Variants in PROX2 observed in about 807,000 individuals in gnomAD.
The protein encoded by PROX2 is prospero homeobox protein 2.
PROX2 carries 46 observed loss-of-function variants against 48.9 expected under a neutral mutation model. That is an observed-to-expected ratio of 0.94 (90% CI 0.74 to 1.20). PROX2 has a LOEUF of 1.20. PROX2 is among the 50% of genes most tolerant of loss of function. PROX2 has a pLI of 0.00. For synonymous variants in PROX2, 260 were observed against 276.6 expected (o/e 0.94, Z 0.60); for missense variants, 663 against 719.4 (o/e 0.92, Z 0.90).
chr14:74,856,763 C>T lies in PROX2; in HGVS notation c.1608+38G>A, dbSNP rs189981379. The T allele has an allele frequency of 1.7e-5, 26 of 1,540,674 alleles. No homozygotes were observed. In the East Asian group the frequency reaches 5.4e-4, roughly 32 times the overall value. ...AAACTCGAATCATATAGGGAAGACA[C>T]TCATCAGATCTCATGGGAACCCAGT... On this transcript the variant is annotated intron_variant, in intron 5 of 5. Transcript: ENST00000556489.
At chr14:74,857,123 A>G in intron 4 of PROX2, 128 bp from the exon 5 acceptor site, 1 of 712,584 alleles carries the variant, frequency 1.4e-6, no homozygotes, top group Non-Finnish European at 2.3e-6. Flanking sequence ...GGCTTCCTTT[A>G]AAAAAAGAAG....
intron 3 of PROX2, among the ~76,000 whole-genome samples, chr14:74,861,794 A>T (rs539872288): frequency 6.6e-6 from 1 of 152,050 alleles, no homozygotes; most frequent in African/African-American, 2.4e-5. Flanking sequence ...CTTGTTCCTC[A>T]TCTGCTCCCC....
At chr14:74,855,375 A>G in intron 5 of PROX2, 73 bp from the exon 6 acceptor site, 1 of 1,273,540 alleles carries the variant, frequency 7.9e-7, no homozygotes, top group Non-Finnish European at 1.1e-6. Context: ...AGCCCTCACT[A>G]GCGGGTGCTG....
Position 74,863,118 on chromosome 14 carries a change from G to A in PROX2, c.717C>T (p.Asp239=), listed in dbSNP as rs768132700. 25 of 1,613,894 alleles carry A rather than the reference G, an allele frequency of 1.5e-5. No individual in the cohort carries two copies. The highest frequency in any genetic ancestry group is 2.1e-5 in the Non-Finnish European group (25 of 1,179,892). The part of the protein sequence containing the change: ...ELTRAVSQAV[D]SVLQKVLLDP... ...CCAATAGTACCTTTTGTAATACCGA[G>A]TCCACAGCCTGGGACACTGCCCTGG... Residue 239 remains aspartate, a synonymous_variant, in exon 3 of 6, where the codon GAC becomes GAT. Coordinates refer to ENST00000556489, the MANE Select transcript of PROX2 (RefSeq NM_001243007.2).
At chr14:74,865,532 C>G (rs1028047142) in intron 2 of PROX2, among the ~76,000 whole-genome samples, 1 of 152,294 alleles carries the variant, frequency 6.6e-6, no homozygotes, top group African/African-American at 2.4e-5. Context: ...ACGTCACTTG[C>G]TTTCTAACTA....
intron 1 of PROX2, among the ~76,000 whole-genome samples, chr14:74,874,767 A>G (rs968371213): frequency 6.6e-6 from 1 of 152,234 alleles, no homozygotes; most frequent in African/African-American, 2.4e-5. Context: ...AAAAATAAGT[A>G]TACAAAAGAC....
At chr14:74,861,283 G>GT (rs1408726384) in intron 3 of PROX2, 1 of 1,251,406 alleles carries the variant, frequency 8.0e-7, no homozygotes, top group African/African-American at 1.5e-5. Context: ...AAGCAGCAGC[G>GT]TGAGCACAGC....
At chr14:74,871,469 C>G (rs142087918) in intron 1 of PROX2, among the ~76,000 whole-genome samples, 43 of 152,070 alleles carry the variant, frequency 2.8e-4, no homozygotes, top group African/African-American at 9.6e-4. Context: ...GTTTGAATTT[C>G]AAGTATATAA....
chr14:74,858,427 C>T lies in PROX2; in HGVS notation c.1393G>A (p.Val465Ile). 1 of 1,576,588 alleles carries T rather than the reference C, an allele frequency of 6.3e-7. No individual in the cohort carries two copies. The highest frequency in any genetic ancestry group is 8.6e-7 in the Non-Finnish European group (1 of 1,159,168). ...TRYPSSNLLKVYFPDVQFNRC... is the reference protein window; with the variant it reads ...TRYPSSNLLKIYFPDVQFNRC... ...TTTACCTGAACATCAGGAAAATAAA[C>T]CTTCAGGAGGTTGGAGCTGGGATAT... The change falls in exon 4 of 6, where the codon GTT (valine) becomes ATT (isoleucine). Residue 465 changes from valine (V) to isoleucine (I), a missense_variant. Coordinates refer to ENST00000556489, the MANE Select transcript of PROX2 (RefSeq NM_001243007.2).
At chr14:74,861,681 C>T (rs1490705968) in intron 3 of PROX2, among the ~76,000 whole-genome samples, 1 of 152,178 alleles carries the variant, frequency 6.6e-6, no homozygotes, top group African/African-American at 2.4e-5. Context: ...CTCCATTGCA[C>T]CTTGGAAGTT....
At position 74,868,627 on chromosome 14, in the gene PROX2, G is replaced by A. The variant is rs559954011; in HGVS notation, c.-175+2476C>T. Among the ~76,000 whole-genome samples the A allele has an allele frequency of 1.2e-3, 180 of 151,762 alleles. 1 individual carries two copies. Among genetic ancestry groups the A allele is most frequent in the African/African-American group, 4.3e-3 (176 of 41,392 alleles). ...AGGCAGGCGGATCACGAGGTCAGGA[G>A]ATCGAGACCATCCTGGCTAACACAG... On this transcript the variant is annotated intron_variant, in intron 2 of 5. Coordinates refer to ENST00000556489, the MANE Select transcript of PROX2 (RefSeq NM_001243007.2).
In PROX2 at chr14:74,855,239, C is replaced by A. The variant is rs368768225; in HGVS notation, c.1672G>T (p.Ala558Ser). 3 of 1,591,396 alleles carry A rather than the reference C, an allele frequency of 1.9e-6. No individual in the cohort carries two copies. Among genetic ancestry groups the A allele is most frequent in the Non-Finnish European group, 2.6e-6 (3 of 1,165,152 alleles). ...TLQEFFRAVSAGRDSDPSWKK... is the reference protein window; with the variant it reads ...TLQEFFRAVSSGRDSDPSWKK... ...CAGGAAGGATCTGAGTCTCTCCCTGCGGAGACAGCCCTGAAGAACTCCTGT... is the reference window on the plus strand; with the variant it reads ...CAGGAAGGATCTGAGTCTCTCCCTGAGGAGACAGCCCTGAAGAACTCCTGT... Residue 558 changes from alanine (A) to serine (S), a missense_variant, in exon 6 of 6, where the codon GCA becomes TCA. Transcript: ENST00000556489.
At chr14:74,856,551 G>T in intron 5 of PROX2, 1 of 519,836 alleles carries the variant, frequency 1.9e-6, no homozygotes, top group East Asian at 3.1e-5. Context: ...GTCTAAGATG[G>T]TGTAACACCT....
At chr14:74,857,175 GA>G in intron 4 of PROX2, 180 bp from the exon 5 acceptor site, 3 of 535,890 alleles carry the variant, frequency 5.6e-6, no homozygotes, top group Non-Finnish European at 9.9e-6. Flanking sequence ...GTTATACTCA[GA>G]AAAATCTAAA....
intron 1 of PROX2, chr14:74,874,251 G>GTTTTT: frequency 8.9e-5 from 25 of 279,602 alleles, no homozygotes; most frequent in South Asian, 3.4e-4. Context: ...CATCATACAA[G>GTTTTT]TTTTTTTTTT....
In PROX2 at chr14:74,874,039, A is replaced by G. The variant is rs1279582425; in HGVS notation, c.-310+1856T>C. The G allele has an allele frequency of 9.6e-6, 5 of 522,878 alleles. No individual in the cohort carries two copies. The African/African-American group carries it at 9.7e-5, about 10-fold the overall frequency. The allele number at this position is 522,878 out of a possible 1,614,324, so 32.4% of individuals were successfully genotyped here. On this transcript the variant is annotated intron_variant, in intron 1 of 5. Coordinates refer to ENST00000556489, the MANE Select transcript of PROX2 (RefSeq NM_001243007.2). ...CTGTTATCTAACAGGATGTCAAGTCATTTGATACAGTAATTATGAATCCGC... is the reference window on the plus strand; with the variant it reads ...CTGTTATCTAACAGGATGTCAAGTCGTTTGATACAGTAATTATGAATCCGC...
At chr14:74,867,678 A>G (rs926806643) in intron 2 of PROX2, among the ~76,000 whole-genome samples, 2 of 152,244 alleles carry the variant, frequency 1.3e-5, no homozygotes, top group African/African-American at 4.8e-5. Flanking sequence ...AGACAGAAAG[A>G]CAGACGGGTA....
chr14:74,867,935 C>T (rs1172887810), intron 2 of PROX2, among the ~76,000 whole-genome samples: 3 of 152,168 alleles, frequency 2.0e-5, no homozygotes, highest in African/African-American at 7.2e-5. Flanking sequence ...TACGCCCATG[C>T]AATCATGGAA....
chr14:74,857,056 T>C (rs890658673), intron 4 of PROX2, 61 bp from the exon 5 acceptor site: 2 of 1,427,324 alleles, frequency 1.4e-6, no homozygotes, highest in Admixed American at 3.4e-5. Flanking sequence ...GAATTAGAAC[T>C]GTCTGCTTCC....
Sources: gnomAD v4.1 joint callset for allele counts (sites outside exome capture counted in the v4.1 genomes callset) on GRCh38, gnomAD v4.1.1 for gene constraint, MANE v1.5 for transcripts, NCBI Gene and HGNC (gene_info 2026-07-23, HGNC 2026-07-21) for gene names.